CENPF: variants seen among roughly 807,000 people sequenced by gnomAD.
CENPF encodes AH antigen.
Under a neutral mutation model 307.3 loss-of-function variants are expected in CENPF, and 214 were observed. The observed-to-expected ratio is 0.70, with a 90% CI of 0.62 to 0.78. The LOEUF (loss-of-function observed/expected upper bound fraction) is 0.78, where lower values mean the gene tolerates loss of function less well. Among genes scored for constraint, CENPF ranks in the 30% least tolerant of loss-of-function variants. The pLI, the probability that CENPF is intolerant of heterozygous loss-of-function variation, is 0.00. For missense variants in CENPF, 3,401 were observed against 3,483.9 expected, an observed-to-expected ratio of 0.98 and a Z score of 0.60; for synonymous variants, 1,259 against 1,270.6, an observed-to-expected ratio of 0.99 and a Z score of 0.19.
intron 19 of CENPF, among the ~76,000 whole-genome samples, chr1:214,662,830 A>G (rs1183269020): frequency 1.3e-5 from 2 of 151,256 alleles, no homozygotes; most frequent in Admixed American, 1.3e-4. Context: ...CCCAGGCTGG[A>G]GTGCAGTGGC....
chr1:214,638,401 A>G (rs1412476147), intron 11 of CENPF, among the ~76,000 whole-genome samples: 1 of 152,130 alleles, frequency 6.6e-6, no homozygotes, highest in African/African-American at 2.4e-5. Flanking sequence ...AAAACCCTAT[A>G]TTAAATGCAT....
At position 214,639,959 on chromosome 1, in the gene CENPF, C is replaced by G. The variant is rs1271096751; in HGVS notation, c.1621C>G (p.Gln541Glu). 1 of 1,558,996 alleles carries G rather than the reference C, an allele frequency of 6.4e-7. No homozygotes were observed. Among genetic ancestry groups the G allele is most frequent in the East Asian group, 2.3e-5 (1 of 43,582 alleles). Residue 541 changes from glutamine (Q) to glutamate (E), a missense_variant, in exon 12 of 20, where the codon CAA becomes GAA. By Grantham distance (29) the Gln-to-Glu change is conservative (BLOSUM62 2). Coordinates refer to ENST00000366955, the MANE Select transcript of CENPF (RefSeq NM_016343.4). Reference protein sequence around the residue: ...TSQETMLRDLQEKINQQENSL... With the variant: ...TSQETMLRDLEEKINQQENSL... ...TCAGGAAACCATGTTAAGAGATCTT[C>G]AAGAAAAAATAAATCAGCAAGAAAA... is the stretch of plus-strand genomic sequence containing the variant.
rs189493009 is a variant in CENPF at position 214,624,111 on chromosome 1, C to A, written c.1068+1830C>A. Among the ~76,000 whole-genome samples, 527 of 152,142 alleles carry A rather than the reference C, an allele frequency of 3.5e-3. 1 individual carries two copies. Among genetic ancestry groups the A allele is most frequent in the Middle Eastern group, 0.01 (3 of 292 alleles). On this transcript the variant is annotated intron_variant, in intron 7 of 19. Coordinates refer to ENST00000366955, the MANE Select transcript of CENPF (RefSeq NM_016343.4). ...TTTTCACACATTTGAATGAGCCTTGCATATTTGGAATAAACCCTAATTTCT... is the reference window on the plus strand; with the variant it reads ...TTTTCACACATTTGAATGAGCCTTGAATATTTGGAATAAACCCTAATTTCT...
rs749386120 is a variant in CENPF, at chr1:214,655,401, C to T, written c.8483C>T (p.Thr2828Ile). 1.9e-6 allele frequency: 3 copies of T among 1,585,262 alleles called. No individual in the cohort carries two copies. Among genetic ancestry groups the T allele is most frequent in the African/African-American group, 2.7e-5 (2 of 73,560 alleles). ...QLQAAQEKQK[T>I]GTVMDTKVDE... ...CAAGCTGCACAGGAGAAGCAGAAAA[C>T]AGGTGGGTGTTAACTGGGGCACATC... Residue 2828 changes from threonine to isoleucine, a missense_variant and splice_region_variant, in exon 17 of 20, where the codon ACA (threonine) becomes ATA (isoleucine). Physicochemically the swap from Thr to Ile is moderately conservative, Grantham distance 89. Transcript: ENST00000366955.
Position 214,641,428 on chromosome 1 carries a change from A to G in CENPF, c.3090A>G (p.Glu1030=). ...QEKLILLQRC[E]ETGNAYEDLS... is the part of the protein sequence containing the mutation. ...AACTTATTTTACTACAAAGATGTGA[A>G]GAAACCGGAAATGCATATGAGGATC... Residue 1030 remains glutamate (E), a synonymous_variant, in exon 12 of 20, where the codon GAA becomes GAG. Coordinates refer to ENST00000366955, the MANE Select transcript of CENPF (RefSeq NM_016343.4). 1.3e-6 allele frequency: 2 copies of G among 1,568,074 alleles called. No individual in the cohort carries two copies. Among genetic ancestry groups the G allele is most frequent in the South Asian group, 1.2e-5 (1 of 82,422 alleles).
intron 2 of CENPF, among the ~76,000 whole-genome samples, chr1:214,614,550 G>A (rs1413110276): frequency 2.0e-5 from 3 of 152,160 alleles, no homozygotes; most frequent in Non-Finnish European, 2.9e-5. Flanking sequence ...TGTTAAGGGA[G>A]ATTTATAGGA....
In CENPF at chr1:214,652,792, G is replaced by A. The variant is rs544543101; in HGVS notation, c.8161-36G>A. 139 of 1,524,858 alleles carry A rather than the reference G, an allele frequency of 9.1e-5. 1 individual carries two copies. In the South Asian group the frequency reaches 1.6e-3, roughly 18 times the overall value. The allele number at this position is 1,524,858 out of a possible 1,614,324, so 94.5% of individuals were successfully genotyped here. ...TTTTTAGCTGTGCCTCCTGGCTAAA[G>A]TAACATTTTGGTTTTTTTTGTTTGT... is the stretch of plus-strand genomic sequence containing the variant. On this transcript the variant is annotated intron_variant, in intron 15 of 19. Coordinates refer to ENST00000366955, the MANE Select transcript of CENPF (RefSeq NM_016343.4).
rs770506954 is a variant in CENPF, at chr1:214,645,373, T to G, written c.5803T>G (p.Leu1935Val). 12 of 1,613,832 alleles carry G rather than the reference T, an allele frequency of 7.4e-6. No homozygotes were observed. The highest frequency in any genetic ancestry group is 8.5e-6 in the Non-Finnish European group (10 of 1,180,004). Residue 1935 changes from leucine to valine, a missense_variant, in exon 13 of 20, where the codon TTA becomes GTA. Coordinates refer to ENST00000366955, the MANE Select transcript of CENPF (RefSeq NM_016343.4). ...LEVVQTEKLC[L>V]EKDNENKQKV... is the part of the protein sequence containing the mutation. ...GGTAGTTCAAACAGAGAAGCTATGT[T>G]TAGAAAAAGACAATGAAAATAAGCA...
chr1:214,607,475 T>C (rs1313325146), intron 1 of CENPF, among the ~76,000 whole-genome samples: 1 of 151,942 alleles, frequency 6.6e-6, no homozygotes, highest in Non-Finnish European at 1.5e-5. Context: ...GGAGCCAGGG[T>C]GGTGCCAGGG....
chr1:214,622,041 T>C (rs759497912), intron 6 of CENPF, 38 bp from the exon 7 acceptor site: 31 of 1,480,530 alleles, frequency 2.1e-5, no homozygotes, highest in Middle Eastern at 3.5e-4. Context: ...GGGAAAGATA[T>C]ATATGAATTG....
In CENPF at chr1:214,646,405, C is replaced by G; in HGVS notation, c.6835C>G (p.Gln2279Glu). 1.9e-6 allele frequency: 3 copies of G among 1,613,858 alleles called. No homozygotes were observed. The highest frequency in any genetic ancestry group is 2.5e-6 in the Non-Finnish European group (3 of 1,179,962). ...NEAVAALCGD[Q>E]EIMKATEQSL... The stretch of plus-strand genomic sequence containing the variant: ...GGCAGTAGCAGCCTTGTGTGGTGAC[C>G]AAGAAATTATGAAGGCCACAGAACA... Residue 2279 changes from glutamine (Q) to glutamate (E), a missense_variant, in exon 13 of 20, where the codon CAA (glutamine) becomes GAA (glutamate). By Grantham distance (29) the Gln-to-Glu change is conservative (BLOSUM62 2). Coordinates refer to ENST00000366955, the MANE Select transcript of CENPF (RefSeq NM_016343.4).
intron 3 of CENPF, 130 bp downstream of exon 3, chr1:214,615,158 G>C: frequency 1.8e-6 from 1 of 565,464 alleles, no homozygotes; most frequent in Non-Finnish European, 3.1e-6. Flanking sequence ...GTAATGATTC[G>C]GTCTCTGTAC....
In CENPF at chr1:214,646,191, G is replaced by A. The variant is rs1271362005; in HGVS notation, c.6621G>A (p.Thr2207=). The A allele has an allele frequency of 6.2e-7, 1 of 1,613,342 alleles. No homozygotes were observed. The highest frequency in any genetic ancestry group is 8.5e-7 in the Non-Finnish European group (1 of 1,179,886). ...AAGTTTTTGAATTAGACCTTGTCACGTTAAGGTCTGAAAAAGAAAATCTGA... is the reference window on the plus strand; with the variant it reads ...AAGTTTTTGAATTAGACCTTGTCACATTAAGGTCTGAAAAAGAAAATCTGA... ...SLKVFELDLV[T]LRSEKENLTK... Residue 2207 remains threonine, a synonymous_variant, in exon 13 of 20, where the codon ACG becomes ACA. Coordinates refer to ENST00000366955, the MANE Select transcript of CENPF (RefSeq NM_016343.4).
At chr1:214,608,936 G>C (rs1657119949) in intron 1 of CENPF, 1 of 1,252,156 alleles carries the variant, frequency 8.0e-7, no homozygotes, top group Admixed American at 4.1e-5. Context: ...GCTCCGAGTC[G>C]CGGGCAGGGG....
At position 214,663,403 on chromosome 1, in the gene CENPF, TG is replaced by T. The variant is rs560441488; in HGVS notation, c.9142-187del. On this transcript the variant is annotated intron_variant, in intron 19 of 19. Coordinates refer to ENST00000366955, the MANE Select transcript of CENPF (RefSeq NM_016343.4). ...GGACGTCTGATGACTGGTTAGAGGT[TG>T]TACCTGGTATCCTCCTAAGTTCTCT... Among the ~76,000 whole-genome samples, 8 of 152,302 alleles carry T rather than the reference TG, an allele frequency of 5.3e-5. No individual in the cohort carries two copies. The South Asian group carries it at 1.7e-3, about 32-fold the overall frequency.
At chr1:214,606,719 G>A (rs1474348382) in intron 1 of CENPF, among the ~76,000 whole-genome samples, 4 of 152,086 alleles carry the variant, frequency 2.6e-5, no homozygotes, top group South Asian at 2.1e-4. Flanking sequence ...ACAAGTCCTC[G>A]GCCACCTCAG....
chr1:214,660,625 C>G (rs1194386192), intron 19 of CENPF, among the ~76,000 whole-genome samples: 1 of 152,178 alleles, frequency 6.6e-6, no homozygotes, highest in Non-Finnish European at 1.5e-5. Context: ...ACCATTTTCT[C>G]AGAAGGGTGA....
chr1:214,613,641 A>T, intron 1 of CENPF, 73 bp from the exon 2 acceptor site: 2 of 1,114,588 alleles, frequency 1.8e-6, no homozygotes, highest in Admixed American at 2.5e-5. Flanking sequence ...GGGTGGTTAG[A>T]TAGATTCATT....
chr1:214,642,312 G>T lies in CENPF; in HGVS notation c.3974G>T (p.Arg1325Met). Reference sequence around the variant, plus strand: ...CTCGTAACTGAGCTGAATGATTCAAGGTCAGAATGTATCACAGCAACTAGG... The same window carrying T: ...CTCGTAACTGAGCTGAATGATTCAATGTCAGAATGTATCACAGCAACTAGG... ...YELVTELNDS[R>M]SECITATRKM... The change falls in exon 12 of 20, where the codon AGG (arginine) becomes ATG (methionine). Residue 1325 changes from arginine to methionine, a missense_variant. Coordinates refer to ENST00000366955, the MANE Select transcript of CENPF (RefSeq NM_016343.4). 1 of 1,613,676 alleles carries T rather than the reference G, an allele frequency of 6.2e-7. No individual in the cohort carries two copies. Among genetic ancestry groups the T allele is most frequent in the African/African-American group, 1.3e-5 (1 of 75,030 alleles).
Sources: gnomAD v4.1 joint callset for allele counts (sites outside exome capture counted in the v4.1 genomes callset) on GRCh38, gnomAD v4.1.1 for gene constraint, MANE v1.5 for transcripts, NCBI Gene and HGNC (gene_info 2026-07-23, HGNC 2026-07-21) for gene names.